Variants in EPHA6 observed in about 807,000 individuals in gnomAD.
EPHA6 encodes the protein ephrin type-A receptor 6.
Under a neutral mutation model 112.0 loss-of-function variants are expected in EPHA6, and 50 were observed. The ratio of observed to expected loss-of-function variants is 0.45; its 90% CI spans 0.36 to 0.56. The LOEUF is 0.56. Ranked by LOEUF, EPHA6 falls within the 20% of genes least tolerant of loss-of-function variation. The pLI, the probability that EPHA6 is intolerant of heterozygous loss-of-function variation, is 0.00. For synonymous variants in EPHA6, 529 were observed against 490.7 expected, an observed-to-expected ratio of 1.08 and a Z score of -1.03; for missense variants, 1,280 against 1,417.4, an observed-to-expected ratio of 0.90 and a Z score of 1.56.
At chr3:96,832,006 G>C (rs2034115376) in intron 1 of EPHA6, among the ~76,000 whole-genome samples, 1 of 151,940 alleles carries the variant, frequency 6.6e-6, no homozygotes, top group African/African-American at 2.4e-5. Flanking sequence ...CCTTGAGTGG[G>C]TCAAGCCCCT....
intron 2 of EPHA6, among the ~76,000 whole-genome samples, chr3:96,908,709 A>AT (rs199624482): frequency 0.01 from 1,578 of 151,940 alleles, 25 homozygotes; most frequent in African/African-American, 0.036. Flanking sequence ...GGATGAGAGG[A>AT]TTTTTTTAAA....
At chr3:97,464,831 C>T (rs2091004521) in intron 7 of EPHA6, among the ~76,000 whole-genome samples, 2 of 152,160 alleles carry the variant, frequency 1.3e-5, no homozygotes, top group South Asian at 4.1e-4. Context: ...TATCTTGTCT[C>T]ATTGTGTGAA....
At position 96,982,953 on chromosome 3, in the gene EPHA6, C is replaced by G. The variant is rs536518550; in HGVS notation, c.451-4377C>G. On this transcript the variant is annotated intron_variant, in intron 2 of 17. Coordinates refer to ENST00000389672, the MANE Select transcript of EPHA6 (RefSeq NM_001080448.3). ...TATTTTGAGCCTATGTGTGTCTCTG[C>G]ATATGTGATGGGTTTCCTGAATACA... 3.3e-5 allele frequency among the ~76,000 whole-genome samples: 5 copies of G among 152,222 alleles called. No individual in the cohort carries two copies. In the South Asian group the frequency reaches 1.0e-3, roughly 32 times the overall value.
At chr3:96,979,072 T>A (rs533841757) in intron 2 of EPHA6, among the ~76,000 whole-genome samples, 1 of 152,276 alleles carries the variant, frequency 6.6e-6, no homozygotes, top group South Asian at 2.1e-4. Context: ...TCTTTTTTTT[T>A]ATACTTTAAA....
intron 5 of EPHA6, among the ~76,000 whole-genome samples, chr3:97,351,503 G>A (rs2108895382): frequency 1.3e-5 from 2 of 152,290 alleles, no homozygotes; most frequent in South Asian, 4.1e-4. Flanking sequence ...GAGGTCTTAA[G>A]TTTTATCATA....
intron 5 of EPHA6, among the ~76,000 whole-genome samples, chr3:97,379,428 A>G (rs1481288358): frequency 6.6e-6 from 1 of 152,054 alleles, no homozygotes; most frequent in Admixed American, 6.5e-5. Flanking sequence ...TAGAGAATCT[A>G]GAAACAAATA....
At chr3:97,206,406 C>T (rs1041918326) in intron 3 of EPHA6, among the ~76,000 whole-genome samples, 2 of 151,918 alleles carry the variant, frequency 1.3e-5, no homozygotes, top group African/African-American at 4.8e-5. Context: ...ATAACCATAC[C>T]CTATTAGCTA....
At chr3:96,988,246 C>A (rs1289491656) in intron 3 of EPHA6, among the ~76,000 whole-genome samples, 1 of 151,948 alleles carries the variant, frequency 6.6e-6, no homozygotes, top group Non-Finnish European at 1.5e-5. Context: ...GAGTGGTATA[C>A]TTGATAATTA....
intron 5 of EPHA6, among the ~76,000 whole-genome samples, chr3:97,304,211 T>A (rs1477403468): frequency 2.0e-5 from 3 of 151,994 alleles, no homozygotes; most frequent in East Asian, 3.9e-4. Context: ...TGACTTCCTC[T>A]CTTCCTATTT....
chr3:97,124,523 G>T (rs2048132390), intron 3 of EPHA6, among the ~76,000 whole-genome samples: 1 of 148,148 alleles, frequency 6.8e-6, no homozygotes, highest in Non-Finnish European at 1.5e-5. Context: ...TGTTAACCTG[G>T]ATTATCTTTC....
chr3:97,733,082 T>C (rs2035107485), intron 15 of EPHA6, among the ~76,000 whole-genome samples: 1 of 152,008 alleles, frequency 6.6e-6, no homozygotes, highest in Non-Finnish European at 1.5e-5. Flanking sequence ...TACCCGCTCA[T>C]CACTCTTACA....
intron 5 of EPHA6, among the ~76,000 whole-genome samples, chr3:97,363,475 CTT>C (rs1224137805): frequency 5.3e-5 from 8 of 151,428 alleles, no homozygotes; most frequent in Admixed American, 1.3e-4. Context: ...CCTCAAGTCT[CTT>C]TTAGCAAATC....
At chr3:96,816,058 G>A (rs896032469) in intron 1 of EPHA6, among the ~76,000 whole-genome samples, 1 of 152,124 alleles carries the variant, frequency 6.6e-6, no homozygotes, top group Non-Finnish European at 1.5e-5. Flanking sequence ...GTATAAAAAT[G>A]GAGGTCAGAT....
chr3:96,968,753 G>T (rs2042216222), intron 2 of EPHA6, among the ~76,000 whole-genome samples: 1 of 151,832 alleles, frequency 6.6e-6, no homozygotes, highest in Non-Finnish European at 1.5e-5. Flanking sequence ...TTCAGGGATA[G>T]ATTTTTTCCT....
chr3:96,855,479 A>C, intron 1 of EPHA6, among the ~76,000 whole-genome samples: 1 of 151,604 alleles, frequency 6.6e-6, no homozygotes, highest in East Asian at 1.9e-4. Flanking sequence ...ATGCTGGGTA[A>C]CAGTTACTGA....
chr3:97,440,876 A>G (rs571437519), intron 6 of EPHA6, among the ~76,000 whole-genome samples: 3 of 151,792 alleles, frequency 2.0e-5, no homozygotes, highest in East Asian at 3.8e-4. Flanking sequence ...GAGATTTTTA[A>G]TAAGACAAGA....
intron 3 of EPHA6, among the ~76,000 whole-genome samples, chr3:97,108,596 C>G (rs138749287): frequency 3.9e-5 from 6 of 152,066 alleles, no homozygotes; most frequent in Non-Finnish European, 7.4e-5. Context: ...GATGAAGGGA[C>G]GATTTTTCAG....
intron 5 of EPHA6, among the ~76,000 whole-genome samples, chr3:97,252,512 C>A (rs1007592295): frequency 2.6e-5 from 4 of 152,114 alleles, no homozygotes; most frequent in Admixed American, 6.5e-5. Context: ...TGTCCAGATC[C>A]CTCACTGGGG....
intron 2 of EPHA6, among the ~76,000 whole-genome samples, chr3:96,956,825 G>A (rs1452102169): frequency 6.6e-6 from 1 of 152,066 alleles, no homozygotes; most frequent in African/African-American, 2.4e-5. Context: ...ACGAGGTCCG[G>A]AGTTCGAGAC....
Sources: allele counts gnomAD v4.1 joint callset (sites outside exome capture counted in the v4.1 genomes callset), GRCh38; gene constraint gnomAD v4.1.1; transcripts MANE v1.5; gene names NCBI Gene and HGNC (gene_info 2026-07-23, HGNC 2026-07-21).